The following ADPRHL1 variants were observed in gnomAD, a reference collection of about 807,000 sequenced individuals.
ADPRHL1 encodes the protein ADP-ribosylhydrolase like 1, also known as inactive ADP-ribosyltransferase ARH2.
ADPRHL1 carries 43 observed loss-of-function variants against 44.1 expected under a neutral mutation model. The ratio of observed to expected loss-of-function variants is 0.98; its 90% CI spans 0.76 to 1.26. The LOEUF (loss-of-function observed/expected upper bound fraction) is 1.26, where lower values mean the gene tolerates loss of function less well. Among genes scored for constraint, ADPRHL1 ranks in the 50% most tolerant of loss-of-function variants. ADPRHL1 has a pLI of 0.00. For synonymous variants in ADPRHL1, 878 were observed against 1,017.4 expected, an observed-to-expected ratio of 0.86 and a Z score of 2.61; for missense variants, 2,022 against 2,496.9, an observed-to-expected ratio of 0.81 and a Z score of 4.05.
Position 113,409,463 on chromosome 13 carries a change from G to A in ADPRHL1, c.1062-1243C>T, listed in dbSNP as rs1159827127. On this transcript the variant is annotated intron_variant, in intron 7 of 7. Transcript: ENST00000612156. This position sits in a 1 kb window ranked among gnomAD's most constrained non-coding sequence, Gnocchi z 4.2. ...CGTTTATAATGTTGAAAAATCTAGAGCATCCTCGATGTCCAACTCCAGGGC... is the reference window on the plus strand; with the variant it reads ...CGTTTATAATGTTGAAAAATCTAGAACATCCTCGATGTCCAACTCCAGGGC... 1.0e-6 allele frequency: 1 copy of A among 985,288 alleles called. No individual in the cohort carries two copies. The highest frequency in any genetic ancestry group is 1.2e-6 in the Non-Finnish European group (1 of 829,944). 61.0% of individuals were successfully genotyped at this position (985,288 alleles called of 1,614,324 possible). A position where few individuals can be genotyped will look rare whatever the true frequency, so the allele number is the denominator to read the frequency against.
intron 1 of ADPRHL1, among the ~76,000 whole-genome samples, chr13:113,444,844 C>G (rs190452813): frequency 6.6e-6 from 1 of 152,114 alleles, no homozygotes; most frequent in Non-Finnish European, 1.5e-5. Flanking sequence ...AGGATGGTCT[C>G]GATCTCCTGA....
rs1166383084 is a variant in ADPRHL1 at position 113,406,013 on chromosome 13, T to C, written c.3269A>G (p.His1090Arg). 2 of 1,231,996 alleles carry C rather than the reference T, an allele frequency of 1.6e-6. No individual in the cohort carries two copies. Among genetic ancestry groups the C allele is most frequent in the South Asian group, 4.1e-5 (1 of 24,324 alleles). 76.3% of individuals were successfully genotyped at this position (1,231,996 alleles called of 1,614,324 possible). The change falls in exon 8 of 8, where the codon CAT becomes CGT. Residue 1090 changes from histidine (H) to arginine (R), a missense_variant. Coordinates refer to ENST00000612156, the MANE Select transcript of ADPRHL1 (RefSeq NM_001394807.1). ...PLKAAEEITS[H>R]DVRENPLSSL... is the part of the protein sequence containing the mutation. ...GGACAGTGGGTTCTCGCGAACATCA[T>C]GGCTGGTGATTTCCTCGGCAGCCTT...
intron 3 of ADPRHL1, among the ~76,000 whole-genome samples, chr13:113,430,966 A>G (rs570630240): frequency 6.6e-6 from 1 of 152,302 alleles, no homozygotes; most frequent in South Asian, 2.1e-4. Flanking sequence ...GAGCCTGTGA[A>G]GGGCATGGTG....
rs958070960 is a variant in ADPRHL1, at chr13:113,406,313, G to A, written c.2969C>T (p.Pro990Leu). 1.8e-5 allele frequency: 22 copies of A among 1,231,970 alleles called. No individual in the cohort carries two copies. The African/African-American group carries it at 2.0e-4, about 11-fold the overall frequency. 76.3% of individuals were successfully genotyped at this position (1,231,970 alleles called of 1,614,324 possible). ...CTGCATTGATATTTCATTAGATTCC[G>A]GCAACGGATGCTTCACATCTCTGAG... The part of the protein sequence containing the change: ...SELRDVKHPL[P>L]ESNEISMQKK... Residue 990 changes from proline (P) to leucine (L), a missense_variant, in exon 8 of 8, where the codon CCG (proline) becomes CTG (leucine). Pro to Leu is a moderately conservative substitution (Grantham distance 98). Around this residue, in one of 8 missense-constraint regions of ADPRHL1, gnomAD observed 1,221 missense variants for 1,517.8 expected, o/e 0.80. Coordinates refer to ENST00000612156, the MANE Select transcript of ADPRHL1 (RefSeq NM_001394807.1).
At chr13:113,446,343 C>T (rs2044137839) in intron 1 of ADPRHL1, among the ~76,000 whole-genome samples, 1 of 151,754 alleles carries the variant, frequency 6.6e-6, no homozygotes, top group South Asian at 2.1e-4. Context: ...AGAGAGAGGG[C>T]TCCCGTGGCT....
chr13:113,433,774 T>A lies in ADPRHL1; in HGVS notation c.473A>T (p.Glu158Val), dbSNP rs1475722819. ...ATGGTTGTGGGTCATCCGGCCGCACTCCACGCTGACCTCGATGAGGGTCTC... is the reference window on the plus strand; with the variant it reads ...ATGGTTGTGGGTCATCCGGCCGCACACCACGCTGACCTCGATGAGGGTCTC... Reference protein sequence around the residue: ...RLETLIEVSVECGRMTHNHPT... With the variant: ...RLETLIEVSVVCGRMTHNHPT... Residue 158 changes from glutamate to valine, a missense_variant, in exon 3 of 8, where the codon GAG becomes GTG. Coordinates refer to ENST00000612156, the MANE Select transcript of ADPRHL1 (RefSeq NM_001394807.1). The A allele has an allele frequency of 1.9e-6, 3 of 1,594,718 alleles. No homozygotes were observed. The highest frequency in any genetic ancestry group is 1.7e-6 in the Non-Finnish European group (2 of 1,172,410).
chr13:113,413,576 C>T (rs1250701386), intron 7 of ADPRHL1, among the ~76,000 whole-genome samples: 1 of 152,242 alleles, frequency 6.6e-6, no homozygotes, highest in Non-Finnish European at 1.5e-5. Context: ...GGGCCTCTCG[C>T]CCTTTCCCAC....
rs564230682 is a variant in ADPRHL1 at position 113,441,998 on chromosome 13, G to A, written c.379+2427C>T. 1.3e-5 allele frequency among the ~76,000 whole-genome samples: 2 copies of A among 152,396 alleles called. No individual in the cohort carries two copies. The highest frequency in any genetic ancestry group is 1.3e-4 in the Admixed American group (2 of 15,310). ...CGTCTCTATCACGCTGTGTCCTGTG[G>A]CGCGGGTCTCTGTTTGCATCCAGTG... On this transcript the variant is annotated intron_variant, in intron 2 of 7. Transcript: ENST00000612156. This position sits in a 1 kb window ranked among gnomAD's most constrained non-coding sequence, Gnocchi z 6.0.
Position 113,400,622 on chromosome 13 carries a change from G to A in ADPRHL1, c.*2756C>T, listed in dbSNP as rs1210292568. 4 of 152,158 alleles carry A rather than the reference G, an allele frequency of 2.6e-5. No homozygotes were observed. The highest frequency in any genetic ancestry group is 9.7e-5 in the African/African-American group (4 of 41,436). 9.4% of individuals were successfully genotyped at this position (152,158 alleles called of 1,614,324 possible). On this transcript the variant is annotated 3_prime_UTR_variant, in exon 8 of 8. Transcript: ENST00000612156. ...GTATCTGAAGTGTGAATACTTCCCC[G>A]CGCTATCTTCTAACCTGCGCTGTCT... is the stretch of plus-strand genomic sequence containing the variant.
At chr13:113,424,411 A>C (rs2043948639) in intron 5 of ADPRHL1, 62 bp from the exon 6 acceptor site, 1 of 1,595,242 alleles carries the variant, frequency 6.3e-7, no homozygotes, top group Non-Finnish European at 8.5e-7. Context: ...GGTATATTAC[A>C]GCACAAGCTT....
At position 113,441,830 on chromosome 13, in the gene ADPRHL1, G is replaced by A. The variant is rs185149773; in HGVS notation, c.379+2595C>T. Among the ~76,000 whole-genome samples the A allele has an allele frequency of 1.3e-5, 2 of 151,834 alleles. No homozygotes were observed. The highest frequency in any genetic ancestry group is 1.9e-4 in the East Asian group (1 of 5,142). On this transcript the variant is annotated intron_variant, in intron 2 of 7. Transcript: ENST00000612156. The surrounding 1 kb of genome is among the most constrained non-coding windows in gnomAD (Gnocchi z 6.0). Reference sequence around the variant, plus strand: ...CTCCACCACACGGGTCCGTGTCTCTGTCACGTTGTGTCCCGCCGCGTGGGT... The same window carrying A: ...CTCCACCACACGGGTCCGTGTCTCTATCACGTTGTGTCCCGCCGCGTGGGT...
At chr13:113,444,285 C>A in intron 2 of ADPRHL1, 140 bp downstream of exon 2, 1 of 1,224,884 alleles carries the variant, frequency 8.2e-7, no homozygotes, top group Non-Finnish European at 1.1e-6. Flanking sequence ...GAGGGGCCCC[C>A]ACCCGACAAA....
rs1169579599 is a variant in ADPRHL1, at chr13:113,407,020, G to A, written c.2262C>T (p.Gly754=). The part of the protein sequence containing the change: ...ADPTAESTAG[G]VQEVRGARLT... ...GCCTGGCTCCCCTCACCTCCTGGAC[G>A]CCTCCTGCGGTGCTCTCTGCGGTGG... The change falls in exon 8 of 8, where the codon GGC becomes GGT. Residue 754 remains glycine (G), a synonymous_variant. Transcript: ENST00000612156. The A allele has an allele frequency of 8.9e-6, 11 of 1,232,136 alleles. No individual in the cohort carries two copies. The highest frequency in any genetic ancestry group is 3.2e-5 in the East Asian group (1 of 31,728). 76.3% of individuals were successfully genotyped at this position (1,232,136 alleles called of 1,614,324 possible).
At position 113,407,187 on chromosome 13, in the gene ADPRHL1, C is replaced by T. The variant is rs781479753; in HGVS notation, c.2095G>A (p.Gly699Ser). The T allele has an allele frequency of 6.9e-5, 85 of 1,232,094 alleles. No homozygotes were observed. The highest frequency in any genetic ancestry group is 2.5e-4 in the Admixed American group (6 of 23,696). The allele number at this position is 1,232,094 out of a possible 1,614,324, so 76.3% of individuals were successfully genotyped here. A position where few individuals can be genotyped will look rare whatever the true frequency, so the allele number is the denominator to read the frequency against. Residue 699 changes from glycine to serine, a missense_variant, in exon 8 of 8, where the codon GGC becomes AGC. Coordinates refer to ENST00000612156, the MANE Select transcript of ADPRHL1 (RefSeq NM_001394807.1). ...VTPQVMAQRD[G>S]HAVPSLAFSC... ...AAGGCCAGCGAGGGGACAGCGTGGC[C>T]GTCCCTCTGAGCCATCACCTGGGGT...
intron 1 of ADPRHL1, among the ~76,000 whole-genome samples, chr13:113,446,142 C>T (rs1030614036): frequency 5.3e-4 from 76 of 143,904 alleles, no homozygotes; most frequent in Non-Finnish European, 9.8e-4. Flanking sequence ...CCCCCCTCCC[C>T]CCCAGAGAGC....
intron 4 of ADPRHL1, 133 bp downstream of exon 4, chr13:113,428,819 C>T: frequency 7.2e-7 from 1 of 1,397,268 alleles, no homozygotes; most frequent in Non-Finnish European, 9.7e-7. Flanking sequence ...CAGCTCTGCT[C>T]ACATGGCCCG....
chr13:113,418,999 C>A, intron 7 of ADPRHL1, among the ~76,000 whole-genome samples: 1 of 100,008 alleles, frequency 1.0e-5, no homozygotes, highest in Non-Finnish European at 2.2e-5. Flanking sequence ...TCCCTCCCTC[C>A]CTTCCTCCCT....
At chr13:113,417,757 A>AC (rs2043894118) in intron 7 of ADPRHL1, among the ~76,000 whole-genome samples, 2 of 152,366 alleles carry the variant, frequency 1.3e-5, no homozygotes, top group Middle Eastern at 3.4e-3. Flanking sequence ...AGGGATTTTA[A>AC]CCAGGGAAGC....
At chr13:113,426,605 A>C (rs1280552739) in intron 4 of ADPRHL1, among the ~76,000 whole-genome samples, 1 of 152,218 alleles carries the variant, frequency 6.6e-6, no homozygotes, top group Non-Finnish European at 1.5e-5. Context: ...AGGCCCTCCG[A>C]AACTCTGGGC....
Sources: allele counts gnomAD v4.1 joint callset (sites outside exome capture counted in the v4.1 genomes callset), GRCh38; gene constraint gnomAD v4.1.1; regional missense constraint gnomAD v4.1.1; non-coding constraint Gnocchi (gnomAD v3.1); transcripts MANE v1.5; gene names NCBI Gene and HGNC (gene_info 2026-07-23, HGNC 2026-07-21).